OLFML2B: variants seen among roughly 807,000 people sequenced by gnomAD.
The protein encoded by OLFML2B is olfactomedin like 2B, also known as olfactomedin-like protein 2B.
A neutral mutation model predicts 74.9 loss-of-function variants in OLFML2B; 57 were observed. That is an observed-to-expected ratio of 0.76 (90% CI 0.61 to 0.95). The LOEUF (loss-of-function observed/expected upper bound fraction) is 0.95. Ranked by LOEUF, OLFML2B falls within the 40% of genes least tolerant of loss-of-function variation. The pLI, the probability that OLFML2B is intolerant of heterozygous loss-of-function variation, is 0.00. For synonymous variants in OLFML2B, 388 were observed against 405.8 expected (o/e 0.96, Z 0.53); for missense variants, 986 against 970.6 (o/e 1.02, Z -0.21).
chr1:161,985,025 T>A (rs762017841), intron 6 of OLFML2B, 45 bp from the exon 7 acceptor site: 2 of 1,560,426 alleles, frequency 1.3e-6, no homozygotes, highest in African/African-American at 2.8e-5. Context: ...GATCTAGTGA[T>A]GCCTCACCCC....
intron 4 of OLFML2B, among the ~76,000 whole-genome samples, chr1:162,002,038 G>A (rs749604656): frequency 7.2e-5 from 11 of 152,288 alleles, no homozygotes; most frequent in South Asian, 2.1e-4. Context: ...ACAGTGTGGC[G>A]GGATCTCTGG....
intron 3 of OLFML2B, among the ~76,000 whole-genome samples, chr1:162,012,818 C>A (rs1304545332): frequency 6.6e-6 from 1 of 152,168 alleles, no homozygotes; most frequent in African/African-American, 2.4e-5. Flanking sequence ...TGGGACATTT[C>A]TTCATAAAAT....
chr1:162,000,908 C>T (rs898841624), intron 4 of OLFML2B, among the ~76,000 whole-genome samples: 39 of 152,158 alleles, frequency 2.6e-4, no homozygotes, highest in African/African-American at 8.9e-4. Context: ...ACCCTTCCTC[C>T]TACATACAGA....
rs192958111 is a variant in OLFML2B at position 161,991,521 on chromosome 1, G to C, written c.1474+6304C>G. Among the ~76,000 whole-genome samples the C allele has an allele frequency of 1.7e-3, 252 of 152,270 alleles. 2 individuals carry two copies. Among genetic ancestry groups the C allele is most frequent in the African/African-American group, 5.7e-3 (237 of 41,548 alleles). On this transcript the variant is annotated intron_variant, in intron 6 of 7. Transcript: ENST00000294794. ...AGGCCGAGGCAGGCGGATCACTTGA[G>C]TTTGGGAGTTTGAGACCAGCCTGGC...
Position 162,020,180 on chromosome 1 carries a change from C to T in OLFML2B, c.177G>A (p.Leu59=), listed in dbSNP as rs765388090. 2.5e-6 allele frequency: 4 copies of T among 1,613,796 alleles called. No individual in the cohort carries two copies. In the Admixed American group the frequency reaches 6.7e-5, roughly 27 times the overall value. ...CCTTGACCTTGTCATAGTCCCCCAG[C>T]AACTAGACACACAGAAAACGGGTTA... is the stretch of plus-strand genomic sequence containing the variant. ...ADNQENVLSQ[L]LGDYDKVKAM... Residue 59 remains leucine, a splice_region_variant and synonymous_variant, in exon 2 of 8, where the codon TTG becomes TTA. Coordinates refer to ENST00000294794, the MANE Select transcript of OLFML2B (RefSeq NM_015441.3).
intron 2 of OLFML2B, among the ~76,000 whole-genome samples, chr1:162,017,920 A>C (rs767472546): frequency 1.3e-5 from 2 of 152,224 alleles, no homozygotes; most frequent in Admixed American, 6.5e-5. Context: ...AAGAAAATGC[A>C]GTATGTATAT....
rs1689518913 is a variant in OLFML2B, at chr1:161,984,153, T to C, written c.1775A>G (p.Gln592Arg). ...CATGGCCCAGGCAGCCACGTAGCGC[T>C]GCTTCAGGTCGTACTTGATGATGTT... ...TRNIIKYDLK[Q>R]RYVAAWAMLH... Residue 592 changes from glutamine to arginine, a missense_variant, in exon 8 of 8, where the codon CAG becomes CGG. By Grantham distance (43) the Gln-to-Arg change is conservative (BLOSUM62 1). Transcript: ENST00000294794. 1 of 1,609,360 alleles carries C rather than the reference T, an allele frequency of 6.2e-7. No individual in the cohort carries two copies. The highest frequency in any genetic ancestry group is 1.7e-5 in the Admixed American group (1 of 59,290).
chr1:161,994,045 T>A (rs1689818619), intron 6 of OLFML2B, among the ~76,000 whole-genome samples: 2 of 152,266 alleles, frequency 1.3e-5, no homozygotes, highest in African/African-American at 4.8e-5. Context: ...GTATATTTTA[T>A]CCATTTTATA....
At chr1:162,004,930 A>G (rs1031475028) in intron 4 of OLFML2B, among the ~76,000 whole-genome samples, 3 of 152,230 alleles carry the variant, frequency 2.0e-5, no homozygotes, top group African/African-American at 7.2e-5. Flanking sequence ...AACCCCTGGT[A>G]ACCAGTTAAA....
rs191108312 is a variant in OLFML2B, at chr1:162,012,977, A to C, written c.546+4423T>G. ...TATGTGCTGCTAGGGGTTGAACACC[A>C]TGCCTCTAGTCCTGCTGCCTTCAGA... On this transcript the variant is annotated intron_variant, in intron 3 of 7. Coordinates refer to ENST00000294794, the MANE Select transcript of OLFML2B (RefSeq NM_015441.3). Among the ~76,000 whole-genome samples, 231 of 152,228 alleles carry C rather than the reference A, an allele frequency of 1.5e-3. 1 individual carries two copies. The highest frequency in any genetic ancestry group is 5.3e-3 in the African/African-American group (219 of 41,536).
chr1:161,996,578 A>G (rs1159810335), intron 6 of OLFML2B, among the ~76,000 whole-genome samples: 1 of 152,256 alleles, frequency 6.6e-6, no homozygotes. Flanking sequence ...GTATTTTTCA[A>G]CAAATATTTT....
At chr1:161,997,025 C>T (rs12045457) in intron 6 of OLFML2B, among the ~76,000 whole-genome samples, 8,515 of 152,194 alleles carry the variant, frequency 0.056, 412 homozygotes, top group African/African-American at 0.13. Context: ...GGCATGGTGG[C>T]GGGCACCTGC....
chr1:162,023,244 C>T lies in OLFML2B; in HGVS notation c.174+13G>A. The T allele has an allele frequency of 6.7e-7, 1 of 1,498,756 alleles. No homozygotes were observed. Among genetic ancestry groups the T allele is most frequent in the South Asian group, 1.3e-5 (1 of 75,170 alleles). The allele number at this position is 1,498,756 out of a possible 1,614,324, so 92.8% of individuals were successfully genotyped here. On this transcript the variant is annotated intron_variant, in intron 1 of 7. Transcript: ENST00000294794. ...CAGGGCAAGAAGGGCGGTCGTGGCA[C>T]TCTGCATCCTACCTGAGATAAAACG...
At chr1:162,012,646 C>T (rs1690425072) in intron 3 of OLFML2B, among the ~76,000 whole-genome samples, 1 of 152,218 alleles carries the variant, frequency 6.6e-6, no homozygotes, top group Non-Finnish European at 1.5e-5. Context: ...GAGATACACA[C>T]ACCAGAAGGG....
chr1:161,996,486 G>A (rs1028288599), intron 6 of OLFML2B, among the ~76,000 whole-genome samples: 1 of 152,210 alleles, frequency 6.6e-6, no homozygotes, highest in East Asian at 1.9e-4. Context: ...GGAAGGATTG[G>A]GAATGAGGCT....
At chr1:162,002,014 G>A (rs1248722010) in intron 4 of OLFML2B, among the ~76,000 whole-genome samples, 1 of 152,226 alleles carries the variant, frequency 6.6e-6, no homozygotes, top group African/African-American at 2.4e-5. Context: ...GCCCAAGGAG[G>A]AGCCCCTGTG....
intron 1 of OLFML2B, 23 bp downstream of exon 1, chr1:162,023,234 G>A: frequency 2.0e-6 from 3 of 1,473,916 alleles, no homozygotes; most frequent in Non-Finnish European, 2.7e-6. Context: ...CAAGAAGGGC[G>A]GTCGTGGCAC....
intron 2 of OLFML2B, among the ~76,000 whole-genome samples, chr1:162,018,123 G>T (rs1353774026): frequency 3.9e-5 from 6 of 152,162 alleles, no homozygotes; most frequent in Non-Finnish European, 7.3e-5. Flanking sequence ...AGATGCTAAG[G>T]GCTGCCTGAT....
Position 162,023,081 on chromosome 1 carries a change from G to A in OLFML2B, c.174+176C>T, listed in dbSNP as rs542305064. Reference sequence around the variant, plus strand: ...ACCTTTAAGCACCCTATGATTTTGCGAGGAGAACCTATATCCTTCCATTAA... The same window carrying A: ...ACCTTTAAGCACCCTATGATTTTGCAAGGAGAACCTATATCCTTCCATTAA... On this transcript the variant is annotated intron_variant, in intron 1 of 7. Coordinates refer to ENST00000294794, the MANE Select transcript of OLFML2B (RefSeq NM_015441.3). Among the ~76,000 whole-genome samples, 8 of 152,084 alleles carry A rather than the reference G, an allele frequency of 5.3e-5. No homozygotes were observed. In the South Asian group the frequency reaches 1.2e-3, roughly 24 times the overall value.
Sources: allele counts gnomAD v4.1 joint callset (sites outside exome capture counted in the v4.1 genomes callset), GRCh38; gene constraint gnomAD v4.1.1; transcripts MANE v1.5; gene names NCBI Gene and HGNC (gene_info 2026-07-23, HGNC 2026-07-21).